Variants in SEMA3C observed in about 807,000 individuals in gnomAD.
The protein encoded by SEMA3C is semaphorin-3C.
A neutral mutation model predicts 89.4 loss-of-function variants in SEMA3C; 47 were observed. The ratio of observed to expected loss-of-function variants is 0.53; its 90% CI spans 0.42 to 0.67. SEMA3C has a LOEUF of 0.67. Among genes scored for constraint, SEMA3C ranks in the 30% least tolerant of loss-of-function variants. The probability of loss-of-function intolerance (pLI) is 0.00; values close to 1 mark genes in which losing one functional copy is unlikely to be tolerated. For missense variants in SEMA3C, 839 were observed against 929.1 expected (o/e 0.90, Z 1.26); for synonymous variants, 310 against 320.2 (o/e 0.97, Z 0.34).
upstream of SEMA3C, among the ~76,000 whole-genome samples, chr7:80,920,960 T>C (rs545418558): frequency 8.5e-5 from 13 of 152,328 alleles, no homozygotes; most frequent in South Asian, 1.2e-3. Context: ...ATTAAATTAA[T>C]TTAGAAATGT....
At chr7:80,883,043 G>A (rs1023107832) in intron 2 of SEMA3C, among the ~76,000 whole-genome samples, 6 of 151,974 alleles carry the variant, frequency 3.9e-5, no homozygotes, top group Non-Finnish European at 7.4e-5. Context: ...GAGGAAACAC[G>A]TTCTCTCTCT....
chr7:80,805,535 CCTG>C, intron 7 of SEMA3C, 101 bp downstream of exon 7: 1 of 899,752 alleles, frequency 1.1e-6, no homozygotes, highest in Admixed American at 2.8e-5. Flanking sequence ...CATGTAATAG[CCTG>C]CTATTTTAGT....
intron 15 of SEMA3C, among the ~76,000 whole-genome samples, chr7:80,757,355 C>A (rs1041829842): frequency 3.3e-5 from 5 of 152,212 alleles, no homozygotes; most frequent in African/African-American, 1.2e-4. Context: ...TTTTCAATTT[C>A]TCTACTCATG....
chr7:80,841,417 G>C (rs534047675), intron 2 of SEMA3C, among the ~76,000 whole-genome samples: 54 of 152,158 alleles, frequency 3.5e-4, no homozygotes, highest in Middle Eastern at 6.8e-3. Context: ...CAGTTAAAAG[G>C]ACTGTAATTA....
At chr7:80,788,111 A>G (rs918224691) in intron 12 of SEMA3C, among the ~76,000 whole-genome samples, 2 of 152,208 alleles carry the variant, frequency 1.3e-5, no homozygotes, top group African/African-American at 4.8e-5. Flanking sequence ...GCCAAGAAAA[A>G]GTACCCACAT....
intron 4 of SEMA3C, among the ~76,000 whole-genome samples, chr7:80,823,662 T>C (rs1313676465): frequency 6.6e-6 from 1 of 152,024 alleles, no homozygotes; most frequent in East Asian, 1.9e-4. Flanking sequence ...GTCACAGAAA[T>C]AGGGAAACTG....
intron 2 of SEMA3C, among the ~76,000 whole-genome samples, chr7:80,906,664 G>A (rs1683384168): frequency 1.3e-5 from 2 of 152,194 alleles, no homozygotes; most frequent in Admixed American, 1.3e-4. Flanking sequence ...TATTAAAAGT[G>A]TTGAATACAT....
intron 12 of SEMA3C, among the ~76,000 whole-genome samples, chr7:80,778,457 G>C (rs1341440419): frequency 6.6e-6 from 1 of 152,114 alleles, no homozygotes; most frequent in Non-Finnish European, 1.5e-5. Context: ...TTCATGAATT[G>C]TATGGTCACT....
chr7:80,917,919 AAAG>A (rs1416282039), intron 1 of SEMA3C, among the ~76,000 whole-genome samples: 1 of 152,246 alleles, frequency 6.6e-6, no homozygotes, highest in Non-Finnish European at 1.5e-5. Flanking sequence ...TACAGAATAA[AAAG>A]AATTAAATGG....
chr7:80,820,253 G>A (rs1379094946), intron 4 of SEMA3C, among the ~76,000 whole-genome samples: 1 of 151,586 alleles, frequency 6.6e-6, no homozygotes, highest in Non-Finnish European at 1.5e-5. Context: ...GTAGAGACGG[G>A]GTTTCACTGT....
chr7:80,878,735 G>A lies in SEMA3C; in HGVS notation c.103+37944C>T, dbSNP rs78516309. On this transcript the variant is annotated intron_variant, in intron 2 of 17. Transcript: ENST00000265361. ...AATATTGGGTTCAGGAGGGAATTAG[G>A]GACTAGAAATACACCTGGAAAAGAT... Among the ~76,000 whole-genome samples, 787 of 152,108 alleles carry A rather than the reference G, an allele frequency of 5.2e-3. 5 individuals carry two copies. Among genetic ancestry groups the A allele is most frequent in the African/African-American group, 0.017 (723 of 41,492 alleles).
At chr7:80,813,337 C>T (rs1312614738) in intron 5 of SEMA3C, among the ~76,000 whole-genome samples, 1 of 152,198 alleles carries the variant, frequency 6.6e-6, no homozygotes, top group Non-Finnish European at 1.5e-5. Context: ...GGATCCCCTA[C>T]AATGTACAGT....
Position 80,765,206 on chromosome 7 carries a change from A to G in SEMA3C, c.1392T>C (p.Thr464=). The change falls in exon 13 of 18, where the codon ACT becomes ACC. Residue 464 remains threonine, a synonymous_variant. Transcript: ENST00000265361. ...GTVQKVVVLP[T]NNSVSGELIL... ...TGAGCTCGCCACTGACAGAGTTGTT[A>G]GTAGGAAGAACAACCACTTTTTGCA... The G allele has an allele frequency of 1.2e-6, 2 of 1,613,880 alleles. No individual in the cohort carries two copies. The highest frequency in any genetic ancestry group is 1.1e-5 in the South Asian group (1 of 91,062).
chr7:80,882,636 C>G (rs1015435718), intron 2 of SEMA3C, among the ~76,000 whole-genome samples: 1 of 151,812 alleles, frequency 6.6e-6, no homozygotes, highest in Non-Finnish European at 1.5e-5. Flanking sequence ...ACTGACTTTC[C>G]CCATTGAGGA....
intron 2 of SEMA3C, among the ~76,000 whole-genome samples, chr7:80,890,875 G>A (rs189670282): frequency 6.6e-6 from 1 of 152,258 alleles, no homozygotes; most frequent in Non-Finnish European, 1.5e-5. Context: ...GATCTTTGTA[G>A]TGCTGTATTT....
chr7:80,853,998 GA>G (rs887126447), intron 2 of SEMA3C, among the ~76,000 whole-genome samples: 125 of 148,682 alleles, frequency 8.4e-4, no homozygotes, highest in South Asian at 4.7e-3. Context: ...TCATTTCACA[GA>G]AAAAAAAAGA....
At chr7:80,750,465 T>TACAC (rs1222077930) in intron 16 of SEMA3C, among the ~76,000 whole-genome samples, 12 of 63,892 alleles carry the variant, frequency 1.9e-4, no homozygotes, top group South Asian at 9.1e-4. Context: ...TATATATATA[T>TACAC]ATATATATAC....
At chr7:80,870,618 G>A (rs539139050) in intron 2 of SEMA3C, among the ~76,000 whole-genome samples, 2 of 152,276 alleles carry the variant, frequency 1.3e-5, no homozygotes, top group East Asian at 3.9e-4. Context: ...ATCAAATCTG[G>A]AGGAACACCT....
intron 2 of SEMA3C, among the ~76,000 whole-genome samples, chr7:80,830,519 C>T (rs549973322): frequency 6.6e-6 from 1 of 152,050 alleles, no homozygotes; most frequent in East Asian, 1.9e-4. Flanking sequence ...AATCTTATAG[C>T]CTCAAATTTA....
Sources: allele counts gnomAD v4.1 joint callset (sites outside exome capture counted in the v4.1 genomes callset), GRCh38; gene constraint gnomAD v4.1.1; transcripts MANE v1.5; gene names NCBI Gene and HGNC (gene_info 2026-07-23, HGNC 2026-07-21).